Variants in ATP9B observed in about 807,000 individuals in gnomAD.
ATP9B encodes the protein probable phospholipid-transporting ATPase IIB.
Under a neutral mutation model 146.1 loss-of-function variants are expected in ATP9B, and 110 were observed. That is an observed-to-expected ratio of 0.75 (90% CI 0.65 to 0.88). The LOEUF (loss-of-function observed/expected upper bound fraction) is 0.88, where lower values mean the gene tolerates loss of function less well. Among genes scored for constraint, ATP9B ranks in the 40% least tolerant of loss-of-function variants. The pLI is 0.00. For synonymous variants in ATP9B, 604 were observed against 569.7 expected (o/e 1.06, Z -0.86); for missense variants, 1,499 against 1,496.4 (o/e 1.00, Z -0.03).
At chr18:79,305,363 A>G (rs1403154649) in intron 14 of ATP9B, among the ~76,000 whole-genome samples, 11 of 152,198 alleles carry the variant, frequency 7.2e-5, no homozygotes, top group Admixed American at 3.3e-4. Context: ...GTCAAATGGA[A>G]GAAGTCTCAT....
chr18:79,128,241 G>C (rs546855804), intron 5 of ATP9B, among the ~76,000 whole-genome samples: 16 of 151,682 alleles, frequency 1.1e-4, no homozygotes, highest in Admixed American at 6.6e-5. Flanking sequence ...TGTATTTTTA[G>C]TCGATACGGG....
intron 10 of ATP9B, among the ~76,000 whole-genome samples, chr18:79,209,940 A>T (rs1392817884): frequency 1.3e-5 from 2 of 152,182 alleles, no homozygotes; most frequent in African/African-American, 4.8e-5. Context: ...TTACAAGTTG[A>T]GAATTCCTTT....
chr18:79,167,778 G>A (rs2094997262), intron 7 of ATP9B, among the ~76,000 whole-genome samples: 1 of 152,232 alleles, frequency 6.6e-6, no homozygotes, highest in Non-Finnish European at 1.5e-5. Context: ...GGAACTGGCA[G>A]CCCGGCCCCG....
chr18:79,200,790 G>GGGACTGTCAGGGTC (rs1402464696), intron 9 of ATP9B, among the ~76,000 whole-genome samples: 1 of 152,130 alleles, frequency 6.6e-6, no homozygotes, highest in African/African-American at 2.4e-5. Context: ...AGTAGTGGTG[G>GGGACTGTCAGGGTC]AATTGTTTTC....
chr18:79,160,366 A>G (rs2094859722), intron 7 of ATP9B, among the ~76,000 whole-genome samples: 1 of 152,128 alleles, frequency 6.6e-6, no homozygotes, highest in Non-Finnish European at 1.5e-5. Context: ...ACAGAAGTAT[A>G]TTTTCAGAGG....
At chr18:79,337,656 C>T (rs1681236) in intron 19 of ATP9B, among the ~76,000 whole-genome samples, 2 of 152,172 alleles carry the variant, frequency 1.3e-5, no homozygotes, top group South Asian at 4.1e-4. Context: ...TACTCCAGAC[C>T]TTCCTCTCTA....
intron 4 of ATP9B, among the ~76,000 whole-genome samples, chr18:79,124,815 G>A (rs1002392594): frequency 6.6e-6 from 1 of 152,176 alleles, no homozygotes; most frequent in African/African-American, 2.4e-5. Flanking sequence ...GAGATGTGTG[G>A]AAGGAAGCAC....
rs1232701950 is a variant in ATP9B at position 79,187,935 on chromosome 18, A to AT, written c.874-5238dup. 1.4e-4 allele frequency among the ~76,000 whole-genome samples: 21 copies of AT among 151,302 alleles called. No homozygotes were observed. In the South Asian group the frequency reaches 1.9e-3, roughly 14 times the overall value. On this transcript the variant is annotated intron_variant, in intron 8 of 29. Transcript: ENST00000426216. Reference sequence around the variant, plus strand: ...GGTGATCGAATCTTCTCTGTTAAAGATTTTTTTTTTAAGTGATTGAGCATG... The same window carrying AT: ...GGTGATCGAATCTTCTCTGTTAAAGATTTTTTTTTTTAAGTGATTGAGCATG...
chr18:79,368,104 G>A (rs536613534), intron 26 of ATP9B, among the ~76,000 whole-genome samples: 6 of 151,988 alleles, frequency 3.9e-5, no homozygotes, highest in East Asian at 1.9e-4. Flanking sequence ...GGACGGCGCC[G>A]TGGCCCCGGG....
chr18:79,240,278 T>A (rs2095876220), intron 11 of ATP9B, among the ~76,000 whole-genome samples: 1 of 152,222 alleles, frequency 6.6e-6, no homozygotes. Context: ...GAGCAGGAAG[T>A]TTTATCACAT....
intron 13 of ATP9B, among the ~76,000 whole-genome samples, chr18:79,295,263 G>T (rs2096539756): frequency 1.3e-5 from 2 of 152,148 alleles, no homozygotes; most frequent in Admixed American, 1.3e-4. Flanking sequence ...CAAATCAACT[G>T]CCCTACTAAA....
chr18:79,297,083 G>GAGACACAGACGACCCAGAGAGA (rs1599734314), intron 13 of ATP9B, among the ~76,000 whole-genome samples: 1 of 148,776 alleles, frequency 6.7e-6, no homozygotes, highest in Admixed American at 6.7e-5. Context: ...ACCCAGAGAG[G>GAGACACAGACGACCCAGAGAGA]AGACACAGAC....
In ATP9B at chr18:79,176,798, T is replaced by C; in HGVS notation, c.779-15T>C. 6.2e-7 allele frequency: 1 copy of C among 1,611,222 alleles called. No individual in the cohort carries two copies. The highest frequency in any genetic ancestry group is 8.5e-7 in the Non-Finnish European group (1 of 1,177,514). On this transcript the variant is annotated splice_polypyrimidine_tract_variant and intron_variant, in intron 7 of 29. Coordinates refer to ENST00000426216, the MANE Select transcript of ATP9B (RefSeq NM_198531.5). ...ACAATTCAAGAGTGGTAAATTTTTA[T>C]TCTCTACTTCCAAGGTTCGTGTTTT...
intron 15 of ATP9B, among the ~76,000 whole-genome samples, chr18:79,322,469 T>C (rs2096721577): frequency 6.6e-6 from 1 of 152,120 alleles, no homozygotes; most frequent in African/African-American, 2.4e-5. Context: ...CTTCCATCAG[T>C]AGGAGAGGGT....
intron 11 of ATP9B, among the ~76,000 whole-genome samples, chr18:79,240,078 C>T (rs934514387): frequency 2.0e-5 from 3 of 152,166 alleles, no homozygotes; most frequent in Non-Finnish European, 4.4e-5. Context: ...AGGAGGAGAG[C>T]CCTCCAGCTA....
intron 13 of ATP9B, among the ~76,000 whole-genome samples, chr18:79,296,252 G>T (rs1322817685): frequency 6.6e-6 from 1 of 152,232 alleles, no homozygotes; most frequent in Non-Finnish European, 1.5e-5. Context: ...CTAGGCCCAA[G>T]CCATCTTCCT....
chr18:79,313,331 T>C (rs2096662904), intron 15 of ATP9B, among the ~76,000 whole-genome samples: 1 of 152,172 alleles, frequency 6.6e-6, no homozygotes, highest in South Asian at 2.1e-4. Context: ...AGCATTCTAG[T>C]GTGGGCTGTG....
intron 8 of ATP9B, among the ~76,000 whole-genome samples, chr18:79,182,201 T>TGG (rs1425391260): frequency 6.6e-6 from 1 of 152,220 alleles, no homozygotes; most frequent in Non-Finnish European, 1.5e-5. Context: ...AAATCCTTGC[T>TGG]GGTTCACAGG....
At chr18:79,087,519 A>G (rs2073948133) in intron 1 of ATP9B, 1 of 152,282 alleles carries the variant, frequency 6.6e-6, no homozygotes, top group East Asian at 1.9e-4. Context: ...TTGTTTTTCT[A>G]CTTTATTAAC....
Sources: allele counts gnomAD v4.1 joint callset (sites outside exome capture counted in the v4.1 genomes callset), GRCh38; gene constraint gnomAD v4.1.1; transcripts MANE v1.5; gene names NCBI Gene and HGNC (gene_info 2026-07-23, HGNC 2026-07-21).